The following GMDS variants were observed in gnomAD, a reference collection of about 807,000 sequenced individuals.
GMDS encodes the protein GDP-mannose 4,6 dehydratase.
A neutral mutation model predicts 49.9 loss-of-function variants in GMDS; 20 were observed. The ratio of observed to expected loss-of-function variants is 0.40; its 90% CI spans 0.28 to 0.58. GMDS has a LOEUF of 0.58. GMDS is among the 20% of genes least tolerant of loss of function. The pLI is 0.42. For missense variants in GMDS, 362 were observed against 481.4 expected, an observed-to-expected ratio of 0.75 and a Z score of 2.32; for synonymous variants, 177 against 178.6, an observed-to-expected ratio of 0.99 and a Z score of 0.07.
At chr6:2,048,309 T>C (rs2127434361) in intron 4 of GMDS, among the ~76,000 whole-genome samples, 1 of 152,360 alleles carries the variant, frequency 6.6e-6, no homozygotes, top group East Asian at 1.9e-4. Flanking sequence ...AAGAATTTTT[T>C]CCATATGGCC....
intron 1 of GMDS, among the ~76,000 whole-genome samples, chr6:2,216,414 C>A (rs1354024587): frequency 6.6e-6 from 1 of 152,204 alleles, no homozygotes; most frequent in East Asian, 1.9e-4. Flanking sequence ...GAAACAGATT[C>A]TACCTTAATC....
At chr6:2,218,620 C>T (rs1581812967) in intron 1 of GMDS, among the ~76,000 whole-genome samples, 1 of 152,132 alleles carries the variant, frequency 6.6e-6, no homozygotes, top group African/African-American at 2.4e-5. Context: ...TCAGAGAGTA[C>T]AGAACATTAT....
At chr6:1,736,811 C>CTGT (rs754158613) in intron 8 of GMDS, among the ~76,000 whole-genome samples, 2 of 152,198 alleles carry the variant, frequency 1.3e-5, no homozygotes, top group Admixed American at 6.5e-5. Flanking sequence ...CATGAGAGTT[C>CTGT]TGTTCATCAC....
intron 9 of GMDS, among the ~76,000 whole-genome samples, chr6:1,655,490 CACACAT>C (rs879462979): frequency 0.32 from 14,970 of 46,634 alleles, 973 homozygotes; most frequent in Admixed American, 0.45. Flanking sequence ...CACACACACA[CACACAT>C]ACACACACAC....
intron 7 of GMDS, among the ~76,000 whole-genome samples, chr6:1,891,237 T>C (rs928356399): frequency 6.6e-6 from 1 of 152,228 alleles, no homozygotes; most frequent in Non-Finnish European, 1.5e-5. Context: ...AGTGTCATTA[T>C]ATCAAATCAA....
At chr6:1,861,313 TATTTA>T (rs994317597) in intron 7 of GMDS, among the ~76,000 whole-genome samples, 30 of 152,310 alleles carry the variant, frequency 2.0e-4, no homozygotes, top group African/African-American at 6.7e-4. Context: ...TGATGAAACA[TATTTA>T]AACAAAACAA....
At chr6:2,109,731 G>A (rs963575199) in intron 4 of GMDS, among the ~76,000 whole-genome samples, 9 of 152,182 alleles carry the variant, frequency 5.9e-5, no homozygotes, top group African/African-American at 1.9e-4. Context: ...CATGGCAGTC[G>A]TCTGTTCCAG....
chr6:1,969,525 T>C (rs1156838269), intron 4 of GMDS, among the ~76,000 whole-genome samples: 1 of 152,032 alleles, frequency 6.6e-6, no homozygotes, highest in East Asian at 1.9e-4. Context: ...AAGAAGAATA[T>C]ATGTAGGAAT....
At chr6:1,718,150 C>A (rs973400435) in intron 9 of GMDS, among the ~76,000 whole-genome samples, 6 of 152,114 alleles carry the variant, frequency 3.9e-5, no homozygotes, top group South Asian at 2.1e-4. Context: ...CTTTTTCCCC[C>A]CTAGAAATGC....
chr6:2,150,444 C>T (rs1157586731), intron 1 of GMDS, among the ~76,000 whole-genome samples: 1 of 152,110 alleles, frequency 6.6e-6, no homozygotes, highest in Non-Finnish European at 1.5e-5. Flanking sequence ...ATGCCTCTGG[C>T]TATAAAGTCT....
At chr6:1,922,636 A>G (rs1761774274) in intron 7 of GMDS, among the ~76,000 whole-genome samples, 1 of 152,124 alleles carries the variant, frequency 6.6e-6, no homozygotes, top group African/African-American at 2.4e-5. Context: ...TCCTCTGCCT[A>G]TAAAGACCCC....
intron 7 of GMDS, among the ~76,000 whole-genome samples, chr6:1,894,418 T>C (rs1760046048): frequency 1.3e-5 from 2 of 152,198 alleles, no homozygotes; most frequent in Admixed American, 1.3e-4. Flanking sequence ...TTATGGAAAA[T>C]TATTCCTTCC....
At chr6:2,145,445 G>A (rs1776505454) in intron 1 of GMDS, among the ~76,000 whole-genome samples, 1 of 152,024 alleles carries the variant, frequency 6.6e-6, no homozygotes. Context: ...AGCTGAGGCA[G>A]GAGAATTGCT....
At chr6:1,940,085 T>C (rs1433350329) in intron 6 of GMDS, among the ~76,000 whole-genome samples, 2 of 152,242 alleles carry the variant, frequency 1.3e-5, no homozygotes, top group South Asian at 2.1e-4. Context: ...TATCACACTA[T>C]ACAAAATTAC....
At chr6:2,081,204 T>TG (rs1772672984) in intron 4 of GMDS, among the ~76,000 whole-genome samples, 1 of 151,972 alleles carries the variant, frequency 6.6e-6, no homozygotes, top group African/African-American at 2.4e-5. Flanking sequence ...ACTTCTGTGG[T>TG]GGAAAAAAAA....
At chr6:2,174,283 A>AT in intron 1 of GMDS, among the ~76,000 whole-genome samples, 1 of 152,222 alleles carries the variant, frequency 6.6e-6, no homozygotes, top group East Asian at 1.9e-4. Flanking sequence ...TTTAAAAAGG[A>AT]TAAGAGAATG....
intron 4 of GMDS, among the ~76,000 whole-genome samples, chr6:1,977,089 A>C (rs1764946786): frequency 6.6e-6 from 1 of 152,332 alleles, no homozygotes; most frequent in African/African-American, 2.4e-5. Context: ...TTCAAAGTAA[A>C]GGGGAAAAAA....
chr6:1,830,503 A>ATAGT (rs1756572237), intron 7 of GMDS, among the ~76,000 whole-genome samples: 1 of 152,218 alleles, frequency 6.6e-6, no homozygotes, highest in African/African-American at 2.4e-5. Flanking sequence ...CACAGAGGAT[A>ATAGT]TAGTACAGGG....
intron 9 of GMDS, among the ~76,000 whole-genome samples, chr6:1,695,907 G>GT (rs11366742): frequency 3.6e-4 from 45 of 124,388 alleles, no homozygotes; most frequent in Admixed American, 6.7e-4. Flanking sequence ...TTCTGTCTTG[G>GT]TTTTTTTTTT....
Sources: allele counts gnomAD v4.1 joint callset (sites outside exome capture counted in the v4.1 genomes callset), GRCh38; gene constraint gnomAD v4.1.1; transcripts MANE v1.5; gene names NCBI Gene and HGNC (gene_info 2026-07-23, HGNC 2026-07-21).